Variants in REPS2 observed in about 807,000 individuals in gnomAD.
REPS2 encodes RALBP1 associated Eps domain containing 2, also known as ralBP1-associated Eps domain-containing protein 2.
Under a neutral mutation model 53.6 loss-of-function variants are expected in REPS2, and 23 were observed. That is an observed-to-expected ratio of 0.43 (90% confidence interval 0.31 to 0.61). REPS2 has a LOEUF of 0.61. REPS2 is among the 20% of genes least tolerant of loss of function. The pLI, the probability that REPS2 is intolerant of heterozygous loss-of-function variation, is 0.11. For synonymous variants in REPS2, 238 were observed against 218.6 expected (o/e 1.09, Z -0.78); for missense variants, 446 against 534.9 (o/e 0.83, Z 1.64).
chrX:17,076,246 C>G (rs932352343), intron 12 of REPS2, among the ~76,000 whole-genome samples: 1 of 111,911 alleles, frequency 8.9e-6, no homozygotes, highest in African/African-American at 3.3e-5. Context: ...TAGCTAAGTA[C>G]GAAGAAGGTT....
At chrX:16,997,038 G>A (rs1219364990) in intron 1 of REPS2, among the ~76,000 whole-genome samples, 3 of 112,076 alleles carry the variant, frequency 2.7e-5, no homozygotes, top group Non-Finnish European at 5.6e-5. Flanking sequence ...CTAATCCTTT[G>A]GCTGGTGAGA....
intron 14 of REPS2, among the ~76,000 whole-genome samples, chrX:17,117,918 A>G (rs1479656276): frequency 1.0e-5 from 1 of 96,515 alleles, no homozygotes; most frequent in Non-Finnish European, 2.1e-5. Flanking sequence ...CTATTTCTCC[A>G]CATCCTCTCC....
chrX:16,952,782 A>AT (rs1410251193), intron 1 of REPS2, among the ~76,000 whole-genome samples: 1 of 111,989 alleles, frequency 8.9e-6, no homozygotes, highest in Non-Finnish European at 1.9e-5. Flanking sequence ...TCTTTAGATC[A>AT]TATCATTTTG....
At chrX:16,968,883 C>T (rs771829004) in intron 1 of REPS2, among the ~76,000 whole-genome samples, 234 of 109,659 alleles carry the variant, frequency 2.1e-3, no homozygotes, top group Non-Finnish European at 3.8e-3. Flanking sequence ...TTCCTCACTT[C>T]CCAGACGGGA....
At chrX:17,183,521 T>C in the REPS2 span, among the ~76,000 whole-genome samples, 5 of 112,374 alleles carry the variant, frequency 4.4e-5, no homozygotes, top group African/African-American at 1.6e-4. Context: ...CAAGCCAGCA[T>C]ATGTGCTGTA....
intron 8 of REPS2, among the ~76,000 whole-genome samples, chrX:17,058,525 CA>C (rs1025387226): frequency 9.2e-6 from 1 of 108,902 alleles, no homozygotes; most frequent in Admixed American, 9.8e-5. Context: ...AGTATGTTAA[CA>C]GGAAAGAAGT....
At chrX:17,023,064 T>C (rs1054116074) in intron 3 of REPS2, among the ~76,000 whole-genome samples, 1 of 112,253 alleles carries the variant, frequency 8.9e-6, no homozygotes, top group African/African-American at 3.2e-5. Flanking sequence ...CCAGCAAAGA[T>C]ACTGAATCAT....
intron 16 of REPS2, 46 bp downstream of exon 16, chrX:17,135,452 AGATGTCGACG>A: frequency 8.6e-7 from 1 of 1,160,069 alleles, no homozygotes; most frequent in Non-Finnish European, 1.2e-6. Context: ...TCTCGCTCTG[AGATGTCGACG>A]GATATGTAAA....
intron 12 of REPS2, among the ~76,000 whole-genome samples, chrX:17,076,821 A>G (rs1243948837): frequency 9.0e-6 from 1 of 111,235 alleles, no homozygotes. Flanking sequence ...TTGAATTCTT[A>G]CCCTCAGCTT....
At chrX:17,123,631 G>A (rs1370449424) in intron 14 of REPS2, among the ~76,000 whole-genome samples, 2 of 112,297 alleles carry the variant, frequency 1.8e-5, no homozygotes, top group South Asian at 7.4e-4. Flanking sequence ...TCTACCGAGG[G>A]GGGTGCCCAC....
At chrX:17,025,714 A>C in intron 4 of REPS2, among the ~76,000 whole-genome samples, 1 of 111,756 alleles carries the variant, frequency 8.9e-6, no homozygotes, top group South Asian at 3.8e-4. Context: ...TAGCATGCAC[A>C]GTTGTGGGGT....
At chrX:17,054,660 C>T in intron 7 of REPS2, 148 bp from the exon 8 acceptor site, 1 of 510,071 alleles carries the variant, frequency 2.0e-6, no homozygotes, top group South Asian at 4.2e-5. Flanking sequence ...GAGTGGCCCC[C>T]AGAGATTTCA....
chrX:17,035,855 A>G (rs2061758967), intron 5 of REPS2, among the ~76,000 whole-genome samples: 1 of 112,027 alleles, frequency 8.9e-6, no homozygotes, highest in African/African-American at 3.3e-5. Flanking sequence ...TACATGTAAT[A>G]TATGCAAAAC....
chrX:17,058,825 C>T (rs909027896), intron 8 of REPS2, among the ~76,000 whole-genome samples: 2 of 111,106 alleles, frequency 1.8e-5, no homozygotes, highest in East Asian at 2.8e-4. Context: ...AACTCAGTGA[C>T]GGTATATTTT....
chrX:16,947,350 C>G (rs2060452106), intron 1 of REPS2, among the ~76,000 whole-genome samples: 1 of 112,344 alleles, frequency 8.9e-6, no homozygotes, highest in Non-Finnish European at 1.9e-5. Context: ...GCTGGGTGCG[C>G]TCTCCCCATC....
intron 1 of REPS2, among the ~76,000 whole-genome samples, chrX:16,953,471 T>C (rs886072055): frequency 1.2e-4 from 13 of 111,254 alleles, no homozygotes; most frequent in Non-Finnish European, 1.7e-4. Context: ...GTTACCAGAG[T>C]CCTGAATTTG....
At chrX:17,166,310 G>T in the REPS2 span, among the ~76,000 whole-genome samples, 1 of 111,565 alleles carries the variant, frequency 9.0e-6, no homozygotes, top group South Asian at 3.8e-4. Flanking sequence ...CAGAGTGATT[G>T]GGCTTATCTG....
intron 1 of REPS2, among the ~76,000 whole-genome samples, chrX:16,958,794 G>A (rs1305818165): frequency 1.8e-5 from 2 of 111,859 alleles, no homozygotes; most frequent in Non-Finnish European, 3.8e-5. Flanking sequence ...AGCCTCTTGC[G>A]CTGAGTGGAT....
At chrX:17,184,179 T>A in the REPS2 span, among the ~76,000 whole-genome samples, 1 of 54,937 alleles carries the variant, frequency 1.8e-5, no homozygotes, top group African/African-American at 7.1e-5. Flanking sequence ...CACTCCCCCC[T>A]CCCCCCACCC....
Sources: allele counts gnomAD v4.1 joint callset (sites outside exome capture counted in the v4.1 genomes callset), GRCh38; gene constraint gnomAD v4.1.1; transcripts MANE v1.5; gene names NCBI Gene and HGNC (gene_info 2026-07-23, HGNC 2026-07-21).